CNTNAP3B: variants seen among roughly 807,000 people sequenced by gnomAD.
CNTNAP3B encodes contactin associated protein family member 3B, also known as contactin-associated protein-like 3B.
CNTNAP3B carries 25 observed loss-of-function variants against 108.9 expected under a neutral mutation model. That is an observed-to-expected ratio of 0.23 (90% CI 0.17 to 0.32). The LOEUF is 0.32. Among genes scored for constraint, CNTNAP3B ranks in the 10% least tolerant of loss-of-function variants. The pLI is 1.00. For missense variants in CNTNAP3B, 252 were observed against 1,210.4 expected, an observed-to-expected ratio of 0.21 and a Z score of 11.75; for synonymous variants, 103 against 473.4, an observed-to-expected ratio of 0.22 and a Z score of 10.16.
rs1828528221 is a variant in CNTNAP3B at position 42,124,585 on chromosome 9, A to T, written c.85+4425T>A. Among the ~76,000 whole-genome samples the T allele has an allele frequency of 2.3e-5, 3 of 128,402 alleles. No individual in the cohort carries two copies. The Admixed American group carries it at 2.4e-4, about 10-fold the overall frequency. 84.2% of individuals were successfully genotyped at this position (128,402 alleles called of 152,430 possible). The stretch of plus-strand genomic sequence containing the variant: ...CCAAGCGTTTGCAAATGCTCTTACA[A>T]CGTGGAGCAACCGGGCCTAGGGACA... On this transcript the variant is annotated intron_variant, in intron 1 of 23. Transcript: ENST00000377561.
intron 10 of CNTNAP3B, among the ~76,000 whole-genome samples, chr9:41,969,774 C>T (rs1351993414): frequency 1.9e-5 from 2 of 107,162 alleles, no homozygotes; most frequent in Non-Finnish European, 4.0e-5. Context: ...CCTGCCACCA[C>T]GCCTGGCTAA....
At chr9:41,941,305 A>T (rs1263441773) in intron 13 of CNTNAP3B, among the ~76,000 whole-genome samples, 1 of 146,962 alleles carries the variant, frequency 6.8e-6, no homozygotes, top group African/African-American at 2.5e-5. Flanking sequence ...AGAAATTTAT[A>T]AGAAACTCAC....
At chr9:41,930,970 A>G (rs1215983110) in intron 14 of CNTNAP3B, among the ~76,000 whole-genome samples, 2 of 152,386 alleles carry the variant, frequency 1.3e-5, no homozygotes, top group South Asian at 2.1e-4. Context: ...TTTATTACAT[A>G]TATGTCTCAA....
intron 9 of CNTNAP3B, among the ~76,000 whole-genome samples, chr9:41,977,058 A>G (rs1274540910): frequency 1.4e-5 from 2 of 144,584 alleles, no homozygotes; most frequent in Admixed American, 6.9e-5. Context: ...AACAATATAT[A>G]CATTCTTTTG....
chr9:41,940,490 C>A (rs538952794), intron 13 of CNTNAP3B, among the ~76,000 whole-genome samples: 543 of 152,044 alleles, frequency 3.6e-3, no homozygotes, highest in African/African-American at 0.013. Context: ...AATTATATAT[C>A]CAGAGAAACT....
intron 13 of CNTNAP3B, among the ~76,000 whole-genome samples, chr9:41,950,867 T>G (rs1484274424): frequency 6.8e-6 from 1 of 146,978 alleles, no homozygotes; most frequent in Non-Finnish European, 1.5e-5. Flanking sequence ...TTCACGCCAT[T>G]CTCCTGCGTC....
At chr9:41,986,743 T>A (rs1825712764) in intron 8 of CNTNAP3B, among the ~76,000 whole-genome samples, 1 of 147,734 alleles carries the variant, frequency 6.8e-6, no homozygotes, top group African/African-American at 2.5e-5. Context: ...TGAAAAGGTT[T>A]TTTTAGAAAA....
intron 10 of CNTNAP3B, among the ~76,000 whole-genome samples, chr9:41,967,589 G>A (rs1258078273): frequency 6.6e-6 from 1 of 152,288 alleles, no homozygotes; most frequent in Non-Finnish European, 1.5e-5. Context: ...ATGCTTACAG[G>A]CCTGTTTTCA....
chr9:42,117,567 A>C lies in CNTNAP3B; in HGVS notation c.85+11443T>G, dbSNP rs1243657617. 2.9e-5 allele frequency among the ~76,000 whole-genome samples: 4 copies of C among 139,866 alleles called. 2 individuals carry two copies. Among genetic ancestry groups the C allele is most frequent in the Non-Finnish European group, 6.1e-5 (4 of 65,070 alleles). 91.8% of individuals were successfully genotyped at this position (139,866 alleles called of 152,430 possible). On this transcript the variant is annotated intron_variant, in intron 1 of 23. Transcript: ENST00000377561. ...TTATAGCACTAAATGCCCACAAAAG[A>C]AAGCAGGAAAGATCTAAAATTGACA...
chr9:41,926,926 G>C (rs1461540694), intron 15 of CNTNAP3B: 1 of 152,320 alleles, frequency 6.6e-6, no homozygotes, highest in Non-Finnish European at 1.5e-5. Flanking sequence ...AGAGTACCTA[G>C]AAACCAGTGT....
At position 42,110,766 on chromosome 9, in the gene CNTNAP3B, G is replaced by A. The variant is rs374828856; in HGVS notation, c.86-6027C>T. On this transcript the variant is annotated intron_variant, in intron 1 of 23. Coordinates refer to ENST00000377561, the MANE Select transcript of CNTNAP3B (RefSeq NM_001201380.3). The stretch of plus-strand genomic sequence containing the variant: ...TTCCATTCTTCCCATTTCATCACCT[G>A]TCTTTTCAGTTCTTAATGTACCTTA... Among the ~76,000 whole-genome samples, 47 of 137,486 alleles carry A rather than the reference G, an allele frequency of 3.4e-4. 6 individuals carry two copies. The East Asian group carries it at 0.01, about 30-fold the overall frequency. The allele number at this position is 137,486 out of a possible 152,430, so 90.2% of individuals were successfully genotyped here. A position where few individuals can be genotyped will look rare whatever the true frequency, so the allele number is the denominator to read the frequency against.
At chr9:41,926,155 T>A (rs1163430521) in intron 15 of CNTNAP3B, among the ~76,000 whole-genome samples, 1 of 152,288 alleles carries the variant, frequency 6.6e-6, no homozygotes, top group Non-Finnish European at 1.5e-5. Flanking sequence ...ACAGGGTTCA[T>A]TACAGTCTTC....
Position 42,066,176 on chromosome 9 carries a change from C to T in CNTNAP3B, c.390+10693G>A, listed in dbSNP as rs1449514518. 1.5e-5 allele frequency among the ~76,000 whole-genome samples: 2 copies of T among 137,026 alleles called. 1 individual carries two copies. Among genetic ancestry groups the T allele is most frequent in the Non-Finnish European group, 3.1e-5 (2 of 64,306 alleles). The allele number at this position is 137,026 out of a possible 152,430, so 89.9% of individuals were successfully genotyped here. On this transcript the variant is annotated intron_variant, in intron 3 of 23. Coordinates refer to ENST00000377561, the MANE Select transcript of CNTNAP3B (RefSeq NM_001201380.3). ...TCTTTACATTACTGAGTCTTCATATCCATAAATGAGAATTTACACAGATCT... is the reference window on the plus strand; with the variant it reads ...TCTTTACATTACTGAGTCTTCATATTCATAAATGAGAATTTACACAGATCT...
intron 13 of CNTNAP3B, among the ~76,000 whole-genome samples, chr9:41,940,121 G>A (rs543474848): frequency 6.6e-6 from 1 of 152,404 alleles, no homozygotes; most frequent in East Asian, 1.9e-4. Context: ...TGAGCCATAG[G>A]GTCCTATCAG....
chr9:41,967,219 T>C (rs1398598147), intron 10 of CNTNAP3B, among the ~76,000 whole-genome samples: 1 of 152,078 alleles, frequency 6.6e-6, no homozygotes, highest in Admixed American at 6.6e-5. Flanking sequence ...GTAGTTCTCA[T>C]AATTCCCACT....
At position 42,129,396 on chromosome 9, in the gene CNTNAP3B, G is replaced by T; in HGVS notation, c.-302C>A. ...GGTTCAGGCGCGTCCCGGACACTAGGCGCGGGAGGCGGCCGGCACCAACGC... is the reference window on the plus strand; with the variant it reads ...GGTTCAGGCGCGTCCCGGACACTAGTCGCGGGAGGCGGCCGGCACCAACGC... On this transcript the variant is annotated 5_prime_UTR_variant, in exon 1 of 24. Transcript: ENST00000377561. 3.2e-6 allele frequency: 1 copy of T among 309,864 alleles called. No individual in the cohort carries two copies. Among genetic ancestry groups the T allele is most frequent in the Non-Finnish European group, 5.3e-6 (1 of 189,462 alleles). The allele number at this position is 309,864 out of a possible 1,614,324, so 19.2% of individuals were successfully genotyped here.
Position 42,113,289 on chromosome 9 carries a change from T to C in CNTNAP3B, c.86-8550A>G, listed in dbSNP as rs1208407415. On this transcript the variant is annotated intron_variant, in intron 1 of 23. Coordinates refer to ENST00000377561, the MANE Select transcript of CNTNAP3B (RefSeq NM_001201380.3). ...GGGATTCAACATAGATCAGCTCCTT[T>C]TCCCTGAGGAAGCTGGATAGATGAT... Among the ~76,000 whole-genome samples the C allele has an allele frequency of 1.5e-5, 2 of 136,386 alleles. 1 individual carries two copies. The highest frequency in any genetic ancestry group is 4.5e-4 in the East Asian group (2 of 4,466). 89.5% of individuals were successfully genotyped at this position (136,386 alleles called of 152,430 possible). A position where few individuals can be genotyped will look rare whatever the true frequency, so the allele number is the denominator to read the frequency against.
intron 13 of CNTNAP3B, among the ~76,000 whole-genome samples, chr9:41,943,010 G>A (rs1458763867): frequency 2.6e-5 from 4 of 152,250 alleles, no homozygotes; most frequent in Non-Finnish European, 4.4e-5. Context: ...GACGAATCAA[G>A]CAAACATGCA....
rs1321955173 is a variant in CNTNAP3B at position 41,975,133 on chromosome 9, T to A, written c.1478-4888A>T. 44 of 191,514 alleles carry A rather than the reference T, an allele frequency of 2.3e-4. 5 individuals carry two copies. Among genetic ancestry groups the A allele is most frequent in the Admixed American group, 4.6e-4 (7 of 15,180 alleles). The allele number at this position is 191,514 out of a possible 1,614,324, so 11.9% of individuals were successfully genotyped here. A position where few individuals can be genotyped will look rare whatever the true frequency, so the allele number is the denominator to read the frequency against. ...GAAGGCTGGGGCCTCGGGGAGCACC[T>A]GCAGGGGCTTCGAGACGCCTTTCCG... On this transcript the variant is annotated intron_variant, in intron 9 of 23. Coordinates refer to ENST00000377561, the MANE Select transcript of CNTNAP3B (RefSeq NM_001201380.3).
Sources: allele counts gnomAD v4.1 joint callset (sites outside exome capture counted in the v4.1 genomes callset), GRCh38; gene constraint gnomAD v4.1.1; transcripts MANE v1.5; gene names NCBI Gene and HGNC (gene_info 2026-07-23, HGNC 2026-07-21).